The following SHISA9 variants were observed in gnomAD, a reference collection of about 807,000 sequenced individuals.
The protein encoded by SHISA9 is shisa family member 9.
SHISA9 carries 13 observed loss-of-function variants against 38.0 expected under a neutral mutation model. That is an observed-to-expected ratio of 0.34 (90% CI 0.22 to 0.54). SHISA9 has a LOEUF of 0.54. Among genes scored for constraint, SHISA9 ranks in the 20% least tolerant of loss-of-function variants. The pLI, the probability that SHISA9 is intolerant of heterozygous loss-of-function variation, is 0.91. For synonymous variants in SHISA9, 275 were observed against 242.0 expected (o/e 1.14, Z -1.27); for missense variants, 538 against 575.8 (o/e 0.93, Z 0.67).
At chr16:13,526,732 C>T in the SHISA9 span, among the ~76,000 whole-genome samples, 4 of 152,006 alleles carry the variant, frequency 2.6e-5, no homozygotes, top group Admixed American at 6.6e-5. Flanking sequence ...ACATATTAGC[C>T]TCACCTTAGA....
chr16:13,486,329 C>G, the SHISA9 span, among the ~76,000 whole-genome samples: 2 of 152,194 alleles, frequency 1.3e-5, no homozygotes, highest in Admixed American at 1.3e-4. Context: ...CATGAGAGCA[C>G]TCAGAAGTCC....
chr16:13,039,286 C>T (rs560387195), intron 2 of SHISA9, among the ~76,000 whole-genome samples: 6 of 152,226 alleles, frequency 3.9e-5, no homozygotes, highest in African/African-American at 7.2e-5. Flanking sequence ...TTATATGATT[C>T]GACTTGAACT....
intron 3 of SHISA9, among the ~76,000 whole-genome samples, chr16:13,205,692 T>C (rs1190858576): frequency 6.6e-6 from 1 of 152,236 alleles, no homozygotes; most frequent in Non-Finnish European, 1.5e-5. Flanking sequence ...TTGTTTCTAG[T>C]AGCCCCATGG....
chr16:13,196,731 C>T (rs1432961443), intron 2 of SHISA9, among the ~76,000 whole-genome samples: 1 of 152,186 alleles, frequency 6.6e-6, no homozygotes, highest in African/African-American at 2.4e-5. Flanking sequence ...TACAGGAACT[C>T]TCTGTACTAT....
At chr16:12,990,583 G>A (rs1396656241) in intron 2 of SHISA9, among the ~76,000 whole-genome samples, 2 of 152,168 alleles carry the variant, frequency 1.3e-5, no homozygotes, top group Non-Finnish European at 2.9e-5. Flanking sequence ...TTTTGGATCA[G>A]CGATTCTCAA....
chr16:13,547,756 AT>A, the SHISA9 span, among the ~76,000 whole-genome samples: 3 of 152,234 alleles, frequency 2.0e-5, no homozygotes, highest in African/African-American at 7.2e-5. Flanking sequence ...ATGTTCATGA[AT>A]TGGAAGAATT....
rs1226120919 is a variant in SHISA9 at position 13,127,306 on chromosome 16, G to A, written c.692-76088G>A. Among the ~76,000 whole-genome samples, 6 of 140,134 alleles carry A rather than the reference G, an allele frequency of 4.3e-5. No individual in the cohort carries two copies. In the East Asian group the frequency reaches 1.4e-3, roughly 32 times the overall value. The allele number at this position is 140,134 out of a possible 152,430, so 91.9% of individuals were successfully genotyped here. Reference sequence around the variant, plus strand: ...AGAAAGAGATGGAGGGAGAGAGAGAGAGTGAGGGAGGGAGAGAGATGAAGG... The same window carrying A: ...AGAAAGAGATGGAGGGAGAGAGAGAAAGTGAGGGAGGGAGAGAGATGAAGG... On this transcript the variant is annotated intron_variant, in intron 2 of 4. Transcript: ENST00000558583.
chr16:12,978,081 G>C (rs1212172536), intron 2 of SHISA9, among the ~76,000 whole-genome samples: 2 of 152,196 alleles, frequency 1.3e-5, no homozygotes, highest in Admixed American at 1.3e-4. Context: ...TTGGTGCAAA[G>C]ACAGGCAAGA....
At chr16:12,903,797 G>A (rs893183622) in intron 1 of SHISA9, among the ~76,000 whole-genome samples, 3 of 152,172 alleles carry the variant, frequency 2.0e-5, no homozygotes, top group Admixed American at 2.0e-4. Flanking sequence ...CTCTGCCGGG[G>A]GCCTGTGTGT....
the SHISA9 span, among the ~76,000 whole-genome samples, chr16:13,343,537 G>T: frequency 1.3e-5 from 2 of 152,086 alleles, no homozygotes; most frequent in East Asian, 3.9e-4. Context: ...TCCATGAAGT[G>T]ATGCTGGGAT....
the SHISA9 span, among the ~76,000 whole-genome samples, chr16:13,512,737 T>G: frequency 6.6e-6 from 1 of 152,040 alleles, no homozygotes; most frequent in Non-Finnish European, 1.5e-5. Context: ...TCGACAAACC[T>G]GACAAAAACA....
At chr16:13,555,480 G>A in the SHISA9 span, among the ~76,000 whole-genome samples, 6 of 152,192 alleles carry the variant, frequency 3.9e-5, no homozygotes, top group Non-Finnish European at 7.3e-5. Context: ...CAAAGGATAC[G>A]TGGGGGTTAC....
intron 2 of SHISA9, among the ~76,000 whole-genome samples, chr16:13,067,008 G>A (rs1208172112): frequency 6.6e-6 from 1 of 152,176 alleles, no homozygotes; most frequent in African/African-American, 2.4e-5. Context: ...ATCCCCTAGA[G>A]CTTTAAATGC....
At chr16:13,085,048 G>T (rs2073695030) in intron 2 of SHISA9, among the ~76,000 whole-genome samples, 1 of 152,142 alleles carries the variant, frequency 6.6e-6, no homozygotes, top group Admixed American at 6.5e-5. Flanking sequence ...TGTCCCAAAT[G>T]TGTGTGTTTG....
At chr16:12,971,750 C>T (rs2141812007) in intron 2 of SHISA9, among the ~76,000 whole-genome samples, 1 of 152,224 alleles carries the variant, frequency 6.6e-6, no homozygotes, top group East Asian at 1.9e-4. Flanking sequence ...TGCAATTCAT[C>T]AAAGCAGCCA....
intron 2 of SHISA9, among the ~76,000 whole-genome samples, chr16:13,160,824 T>G (rs1486268094): frequency 1.3e-5 from 2 of 152,156 alleles, no homozygotes; most frequent in Non-Finnish European, 2.9e-5. Context: ...GCGGTGATGT[T>G]GCCCTGGAGC....
intron 2 of SHISA9, among the ~76,000 whole-genome samples, chr16:13,184,427 T>TGCTGGTGTTCC (rs2050802970): frequency 6.6e-6 from 1 of 152,254 alleles, no homozygotes; most frequent in African/African-American, 2.4e-5. Context: ...TCTACGTTTC[T>TGCTGGTGTTCC]AAGTAGGGTG....
chr16:13,288,425 G>C, the SHISA9 span, among the ~76,000 whole-genome samples: 1 of 152,004 alleles, frequency 6.6e-6, no homozygotes, highest in African/African-American at 2.4e-5. Flanking sequence ...GAAGAAGATA[G>C]GGATTGGGGG....
At chr16:13,046,827 A>G (rs755700677) in intron 2 of SHISA9, among the ~76,000 whole-genome samples, 1 of 151,030 alleles carries the variant, frequency 6.6e-6, no homozygotes, top group East Asian at 2.0e-4. Context: ...TGCCTAAACC[A>G]CTCTTCCTCT....
Sources: gnomAD v4.1 joint callset for allele counts (sites outside exome capture counted in the v4.1 genomes callset) on GRCh38, gnomAD v4.1.1 for gene constraint, MANE v1.5 for transcripts, NCBI Gene and HGNC (gene_info 2026-07-23, HGNC 2026-07-21) for gene names.